The following NRG1 variants were observed in gnomAD, a reference collection of about 807,000 sequenced individuals.
NRG1 encodes the protein neuregulin 1.
In NRG1, 18 loss-of-function variants were observed where a neutral mutation model predicts 63.8. The observed-to-expected ratio is 0.28, with a 90% CI of 0.19 to 0.42. NRG1 has a LOEUF of 0.42. NRG1 is among the 10% of genes least tolerant of loss of function. NRG1 has a pLI of 1.00. For missense variants in NRG1, 762 were observed against 814.7 expected (o/e 0.94, Z 0.79); for synonymous variants, 302 against 301.3 (o/e 1.00, Z -0.02).
At chr8:32,244,311 A>C (rs1019787236) in intron 1 of NRG1, among the ~76,000 whole-genome samples, 1 of 152,160 alleles carries the variant, frequency 6.6e-6, no homozygotes, top group African/African-American at 2.4e-5. Context: ...TTGCATATTT[A>C]TATTTAGAAA....
At chr8:31,925,203 A>G (rs2129619441) in intron 1 of NRG1, among the ~76,000 whole-genome samples, 2 of 11,016 alleles carry the variant, frequency 1.8e-4, no homozygotes, top group Admixed American at 1.6e-3. Context: ...AGCTACTGGG[A>G]GAGGTATGTC....
chr8:32,427,167 T>G (rs2129486492), intron 1 of NRG1, among the ~76,000 whole-genome samples: 1 of 152,286 alleles, frequency 6.6e-6, no homozygotes, highest in African/African-American at 2.4e-5. Flanking sequence ...CTGGGCTAAC[T>G]TTAACTCTTT....
intron 1 of NRG1, among the ~76,000 whole-genome samples, chr8:32,211,403 G>A (rs918059692): frequency 5.3e-5 from 8 of 152,118 alleles, no homozygotes; most frequent in Admixed American, 3.9e-4. Flanking sequence ...TGCATAAATC[G>A]TTGTGACATG....
intron 1 of NRG1, among the ~76,000 whole-genome samples, chr8:32,431,937 C>A (rs189450867): frequency 6.6e-6 from 1 of 152,154 alleles, no homozygotes; most frequent in African/African-American, 2.4e-5. Context: ...TAAGAAATGT[C>A]ACAGGGAAAA....
intron 1 of NRG1, among the ~76,000 whole-genome samples, chr8:31,704,542 A>G (rs1273107932): frequency 1.3e-5 from 2 of 152,094 alleles, no homozygotes; most frequent in Middle Eastern, 3.2e-3. Context: ...AAAAATTACT[A>G]TGATTCAGGG....
chr8:32,727,035 G>T lies in NRG1; in HGVS notation c.503-914G>T, dbSNP rs78220665. Among the ~76,000 whole-genome samples, 705 of 151,918 alleles carry T rather than the reference G, an allele frequency of 4.6e-3. 6 individuals carry two copies. Among genetic ancestry groups the T allele is most frequent in the African/African-American group, 0.016 (668 of 41,416 alleles). ...TGTGTATATTAGACTATTTTTGGTTGGGACTGAGTATTGCCCATGGTGTTC... is the reference window on the plus strand; with the variant it reads ...TGTGTATATTAGACTATTTTTGGTTTGGACTGAGTATTGCCCATGGTGTTC... On this transcript the variant is annotated intron_variant, in intron 5 of 11. Transcript: ENST00000356819.
chr8:32,592,749 G>C (rs965420243), intron 1 of NRG1, among the ~76,000 whole-genome samples: 1 of 151,816 alleles, frequency 6.6e-6, no homozygotes, highest in African/African-American at 2.4e-5. Context: ...GGAGTGGTAA[G>C]GGGGGAAACA....
Position 31,743,557 on chromosome 8 carries a change from A to AAT in NRG1, c.37+104129_37+104130dup, listed in dbSNP as rs552454273. On this transcript the variant is annotated intron_variant, in intron 1 of 10. Coordinates refer to the NRG1 transcript ENST00000519301. ...TGGTAATTTTTTCTATATATTGTTTAATATGTGTGTGTGTGTGGGTGTGTG... is the reference window on the plus strand; with the variant it reads ...TGGTAATTTTTTCTATATATTGTTTAATATATGTGTGTGTGTGTGGGTGTGTG... 1.4e-4 allele frequency among the ~76,000 whole-genome samples: 21 copies of AAT among 150,874 alleles called. No individual in the cohort carries two copies. The East Asian group carries it at 3.9e-3, about 28-fold the overall frequency.
intron 1 of NRG1, among the ~76,000 whole-genome samples, chr8:31,804,744 G>A (rs1822110101): frequency 1.3e-5 from 2 of 152,098 alleles, no homozygotes; most frequent in South Asian, 4.1e-4. Context: ...AATCGGATGA[G>A]GCACACCCAC....
intron 1 of NRG1, among the ~76,000 whole-genome samples, chr8:32,028,040 C>T (rs1817729522): frequency 6.6e-6 from 1 of 152,188 alleles, no homozygotes; most frequent in Non-Finnish European, 1.5e-5. Context: ...GCAGTGACTT[C>T]TAAATTGTGG....
chr8:32,249,106 AT>A (rs34375338), intron 1 of NRG1, among the ~76,000 whole-genome samples: 105,362 of 151,828 alleles, frequency 0.69, 37,113 homozygotes, highest in African/African-American at 0.79. Flanking sequence ...AAGAGATTCT[AT>A]AACCTAATTT....
Position 31,951,186 on chromosome 8 carries a change from C to G in NRG1, c.37+311755C>G, listed in dbSNP as rs75129644. 6.7e-3 allele frequency among the ~76,000 whole-genome samples: 1,019 copies of G among 152,318 alleles called. 14 individuals are homozygous for G. Among genetic ancestry groups the G allele is most frequent in the African/African-American group, 0.024 (979 of 41,566 alleles). On this transcript the variant is annotated intron_variant, in intron 1 of 10. Transcript: ENST00000519301. Reference sequence around the variant, plus strand: ...AAAAGCCTTTGAGGTTGACTGTTCTCTCTGGAGATGCATGTTTACCTTGTG... The same window carrying G: ...AAAAGCCTTTGAGGTTGACTGTTCTGTCTGGAGATGCATGTTTACCTTGTG...
At chr8:31,656,691 T>G (rs1563261770) in intron 1 of NRG1, among the ~76,000 whole-genome samples, 1 of 152,160 alleles carries the variant, frequency 6.6e-6, no homozygotes, top group Non-Finnish European at 1.5e-5. Context: ...TTGCTGAAGG[T>G]CACTCGTTTA....
intron 1 of NRG1, among the ~76,000 whole-genome samples, chr8:32,302,338 A>T (rs926819101): frequency 6.6e-6 from 1 of 152,318 alleles, no homozygotes; most frequent in Admixed American, 6.5e-5. Context: ...GTTGTGCCTT[A>T]GCCCTGAGCC....
chr8:32,081,993 T>G (rs968482046), intron 1 of NRG1, among the ~76,000 whole-genome samples: 5 of 152,066 alleles, frequency 3.3e-5, no homozygotes, highest in Non-Finnish European at 7.4e-5. Context: ...GGGGCTGGCT[T>G]TGACAAAGGA....
At chr8:31,809,240 G>C (rs1224999929) in intron 1 of NRG1, among the ~76,000 whole-genome samples, 2 of 150,132 alleles carry the variant, frequency 1.3e-5, no homozygotes, top group Non-Finnish European at 3.0e-5. Flanking sequence ...ATGTCTAAGT[G>C]CTGGTCTTGT....
chr8:31,937,281 A>T (rs1801053647), intron 1 of NRG1, among the ~76,000 whole-genome samples: 2 of 152,232 alleles, frequency 1.3e-5, no homozygotes, highest in Non-Finnish European at 1.5e-5. Flanking sequence ...TGGTTGAATT[A>T]AACAGTGTTG....
At chr8:32,571,045 G>T (rs1018874635) in intron 1 of NRG1, among the ~76,000 whole-genome samples, 1 of 152,166 alleles carries the variant, frequency 6.6e-6, no homozygotes, top group African/African-American at 2.4e-5. Flanking sequence ...ACTGCGCCTG[G>T]TTAGGTCCTA....
At chr8:31,876,708 T>C (rs1366558698) in intron 1 of NRG1, among the ~76,000 whole-genome samples, 1 of 152,190 alleles carries the variant, frequency 6.6e-6, no homozygotes, top group Non-Finnish European at 1.5e-5. Context: ...ATGTTTTGCA[T>C]TTGACATTAT....
Sources: gnomAD v4.1 joint callset for allele counts (sites outside exome capture counted in the v4.1 genomes callset) on GRCh38, gnomAD v4.1.1 for gene constraint, MANE v1.5 for transcripts, NCBI Gene and HGNC (gene_info 2026-07-23, HGNC 2026-07-21) for gene names.